Variants in PRIM2 observed in about 807,000 individuals in gnomAD.
PRIM2 encodes the protein DNA primase subunit 2.
In PRIM2, 39 loss-of-function variants were observed where a neutral mutation model predicts 67.3. The observed-to-expected ratio is 0.58, with a 90% CI of 0.45 to 0.76. The LOEUF (loss-of-function observed/expected upper bound fraction) is 0.76, where lower values mean the gene tolerates loss of function less well. Ranked by LOEUF, PRIM2 falls within the 30% of genes least tolerant of loss-of-function variation. PRIM2 has a pLI of 0.00. For missense variants in PRIM2, 398 were observed against 598.7 expected, an observed-to-expected ratio of 0.66 and a Z score of 3.50; for synonymous variants, 143 against 198.7, an observed-to-expected ratio of 0.72 and a Z score of 2.36.
At chr6:57,452,359 AC>A (rs1265092771) in intron 7 of PRIM2, among the ~76,000 whole-genome samples, 1 of 152,206 alleles carries the variant, frequency 6.6e-6, no homozygotes, top group Non-Finnish European at 1.5e-5. Flanking sequence ...GAATCACCAC[AC>A]TGACTTCCAC....
chr6:57,278,067 C>T, the PRIM2 span, among the ~76,000 whole-genome samples: 1 of 151,982 alleles, frequency 6.6e-6, no homozygotes, highest in Non-Finnish European at 1.5e-5. Context: ...TAGCTCATGC[C>T]TATAATCCCA....
intron 7 of PRIM2, among the ~76,000 whole-genome samples, chr6:57,426,304 C>T (rs1389309731): frequency 2.0e-5 from 3 of 152,106 alleles, no homozygotes; most frequent in Non-Finnish European, 2.9e-5. Flanking sequence ...TTAGTTTTGC[C>T]TATTTTAGAG....
At chr6:57,253,544 C>T in the PRIM2 span, among the ~76,000 whole-genome samples, 20 of 151,578 alleles carry the variant, frequency 1.3e-4, no homozygotes, top group Non-Finnish European at 2.1e-4. Context: ...AGGGCTGCTC[C>T]CACCCTTCAG....
At chr6:57,595,160 A>G (rs1776344036) in intron 10 of PRIM2, among the ~76,000 whole-genome samples, 1 of 152,196 alleles carries the variant, frequency 6.6e-6, no homozygotes, top group African/African-American at 2.4e-5. Context: ...GTGGGGGTAT[A>G]AAATAGTACA....
At chr6:57,578,187 CTT>C (rs1183294025) in intron 10 of PRIM2, among the ~76,000 whole-genome samples, 2 of 151,770 alleles carry the variant, frequency 1.3e-5, no homozygotes, top group African/African-American at 2.4e-5. Context: ...GATATCAACA[CTT>C]ATTACTTATT....
At chr6:57,295,960 AC>A in the PRIM2 span, among the ~76,000 whole-genome samples, 2 of 152,202 alleles carry the variant, frequency 1.3e-5, no homozygotes, top group African/African-American at 4.8e-5. Context: ...GACTTTTATA[AC>A]CATAGTCACA....
chr6:57,466,292 G>A (rs1402022696), intron 7 of PRIM2, among the ~76,000 whole-genome samples: 10 of 152,180 alleles, frequency 6.6e-5, no homozygotes, highest in Non-Finnish European at 1.0e-4. Context: ...ACATGTGCAT[G>A]TGTCTTTATA....
intron 8 of PRIM2, among the ~76,000 whole-genome samples, chr6:57,515,645 A>G (rs1246847228): frequency 6.6e-6 from 1 of 152,206 alleles, no homozygotes; most frequent in Non-Finnish European, 1.5e-5. Context: ...CACTCGTGTC[A>G]TATGTCTGTG....
chr6:57,560,886 C>T (rs1174625432), intron 10 of PRIM2, among the ~76,000 whole-genome samples: 4 of 152,126 alleles, frequency 2.6e-5, no homozygotes, highest in East Asian at 1.9e-4. Flanking sequence ...TAGCATAATT[C>T]GTAAGGGCCC....
At chr6:57,320,144 T>G (rs1296101223) in intron 2 of PRIM2, among the ~76,000 whole-genome samples, 1 of 151,830 alleles carries the variant, frequency 6.6e-6, no homozygotes, top group Non-Finnish European at 1.5e-5. Flanking sequence ...AAACAAGGAG[T>G]GCCTAGTTTT....
chr6:57,362,756 A>G (rs1769242434), intron 5 of PRIM2, among the ~76,000 whole-genome samples: 1 of 152,156 alleles, frequency 6.6e-6, no homozygotes, highest in African/African-American at 2.4e-5. Flanking sequence ...TTGTGCACCA[A>G]AAGGTTATTG....
chr6:57,587,525 G>A lies in PRIM2; in HGVS notation c.1021-13568G>A, dbSNP rs1391945220. 5.5e-4 allele frequency among the ~76,000 whole-genome samples: 83 copies of A among 151,982 alleles called. No individual in the cohort carries two copies. The Middle Eastern group carries it at 0.02, about 37-fold the overall frequency. On this transcript the variant is annotated intron_variant, in intron 10 of 13. Coordinates refer to ENST00000615550, the MANE Select transcript of PRIM2 (RefSeq NM_000947.5). The stretch of plus-strand genomic sequence containing the variant: ...TAAAAATACAAAAAATTAGCTGGGC[G>A]TGGTGGCGGATGCCTGTAGTCACAG...
chr6:57,378,072 T>C (rs1350717345), intron 5 of PRIM2, among the ~76,000 whole-genome samples: 2 of 151,318 alleles, frequency 1.3e-5, no homozygotes, highest in Non-Finnish European at 2.9e-5. Flanking sequence ...TCTTCTTTTT[T>C]TTTTTTTTGA....
At chr6:57,598,554 T>C (rs1196054313) in intron 10 of PRIM2, among the ~76,000 whole-genome samples, 1 of 152,130 alleles carries the variant, frequency 6.6e-6, no homozygotes, top group Non-Finnish European at 1.5e-5. Flanking sequence ...TGTGGGTTGT[T>C]ATGCCAGATG....
intron 10 of PRIM2, among the ~76,000 whole-genome samples, chr6:57,565,806 AAT>A (rs1272839391): frequency 6.6e-6 from 1 of 152,258 alleles, no homozygotes. Flanking sequence ...TCTTAAAAAA[AAT>A]AGACACTTTC....
chr6:57,314,794 G>A (rs940923217), upstream of PRIM2: 2 of 152,204 alleles, frequency 1.3e-5, no homozygotes, highest in African/African-American at 4.8e-5. Flanking sequence ...ATACATGAAA[G>A]AGCTCACAGT....
chr6:57,304,951 G>T, the PRIM2 span, among the ~76,000 whole-genome samples: 4 of 152,298 alleles, frequency 2.6e-5, no homozygotes, highest in South Asian at 4.1e-4. Flanking sequence ...TGCAGATGAA[G>T]TAATTCCACA....
intron 13 of PRIM2, among the ~76,000 whole-genome samples, chr6:57,635,123 T>G (rs1354795641): frequency 6.6e-6 from 1 of 152,192 alleles, no homozygotes; most frequent in Non-Finnish European, 1.5e-5. Context: ...ACCAGTTAAT[T>G]GATACCATTT....
chr6:57,420,669 T>C (rs752014535), intron 7 of PRIM2, among the ~76,000 whole-genome samples: 35 of 152,334 alleles, frequency 2.3e-4, no homozygotes, highest in Non-Finnish European at 3.2e-4. Context: ...CAGAGGCTTT[T>C]TGATATCTGC....
Sources: allele counts gnomAD v4.1 joint callset (sites outside exome capture counted in the v4.1 genomes callset), GRCh38; gene constraint gnomAD v4.1.1; transcripts MANE v1.5; gene names NCBI Gene and HGNC (gene_info 2026-07-23, HGNC 2026-07-21).